Variants in KCTD16 observed in about 807,000 individuals in gnomAD.
KCTD16 encodes the protein potassium channel tetramerization domain containing 16, also known as BTB/POZ domain-containing protein KCTD16.
Under a neutral mutation model 33.2 loss-of-function variants are expected in KCTD16, and 13 were observed. The observed-to-expected ratio is 0.39, with a 90% CI of 0.25 to 0.62. The LOEUF (loss-of-function observed/expected upper bound fraction) is 0.62, where lower values mean the gene tolerates loss of function less well. Among genes scored for constraint, KCTD16 ranks in the 20% least tolerant of loss-of-function variants. The probability of loss-of-function intolerance (pLI) is 0.50; values close to 1 mark genes in which losing one functional copy is unlikely to be tolerated. For missense variants in KCTD16, 441 were observed against 525.1 expected, an observed-to-expected ratio of 0.84 and a Z score of 1.57; for synonymous variants, 197 against 195.3, an observed-to-expected ratio of 1.01 and a Z score of -0.07.
intron 3 of KCTD16, among the ~76,000 whole-genome samples, chr5:144,403,663 A>G (rs189169696): frequency 1.3e-5 from 2 of 152,348 alleles, no homozygotes; most frequent in Admixed American, 1.3e-4. Flanking sequence ...AAATGATTAT[A>G]GTAGCCCTTG....
intron 3 of KCTD16, among the ~76,000 whole-genome samples, chr5:144,339,592 A>C (rs1402739424): frequency 3.9e-5 from 6 of 152,164 alleles, no homozygotes; most frequent in African/African-American, 1.4e-4. Context: ...TGTTACTAGA[A>C]ATGTACTCAA....
chr5:144,400,806 G>A (rs1752685880), intron 3 of KCTD16, among the ~76,000 whole-genome samples: 1 of 152,164 alleles, frequency 6.6e-6, no homozygotes, highest in African/African-American at 2.4e-5. Flanking sequence ...TTCAGATTGG[G>A]CAATCAGAAA....
At chr5:144,447,495 A>ATG (rs1753846598) in intron 3 of KCTD16, among the ~76,000 whole-genome samples, 3 of 152,226 alleles carry the variant, frequency 2.0e-5, no homozygotes, top group Admixed American at 6.5e-5. Context: ...ACCATCGCAC[A>ATG]TGTATACCTA....
chr5:144,418,209 G>C (rs546541756), intron 3 of KCTD16, among the ~76,000 whole-genome samples: 1 of 152,142 alleles, frequency 6.6e-6, no homozygotes, highest in East Asian at 1.9e-4. Flanking sequence ...CCCAAAGCAT[G>C]AGCAGCAGCA....
chr5:144,228,027 A>T (rs890515329), intron 3 of KCTD16, among the ~76,000 whole-genome samples: 2 of 152,200 alleles, frequency 1.3e-5, no homozygotes, highest in African/African-American at 4.8e-5. Flanking sequence ...TGTGAATAAT[A>T]GGAGTTAGAC....
At chr5:144,413,816 T>C (rs1752985911) in intron 3 of KCTD16, among the ~76,000 whole-genome samples, 1 of 152,198 alleles carries the variant, frequency 6.6e-6, no homozygotes, top group African/African-American at 2.4e-5. Flanking sequence ...TTCTTTTGAA[T>C]AGTGGTCTTC....
chr5:144,221,096 A>T (rs1470964806), intron 3 of KCTD16, among the ~76,000 whole-genome samples: 1 of 152,240 alleles, frequency 6.6e-6, no homozygotes, highest in Non-Finnish European at 1.5e-5. Context: ...GGAATGGTAG[A>T]TCTATGTAAC....
Position 144,474,457 on chromosome 5 carries a change from C to A in KCTD16, c.*343C>A. 1 of 198,476 alleles carries A rather than the reference C, an allele frequency of 5.0e-6. No homozygotes were observed. Among genetic ancestry groups the A allele is most frequent in the Non-Finnish European group, 1.0e-5 (1 of 97,252 alleles). The allele number at this position is 198,476 out of a possible 1,614,324, so 12.3% of individuals were successfully genotyped here. On this transcript the variant is annotated 3_prime_UTR_variant, in exon 4 of 4. Transcript: ENST00000512467. ...TTATCCCAAACTGGGTTTTTTCTCT[C>A]ATCCTTCTACCTCCCTCCTTTGAAT...
intron 3 of KCTD16, among the ~76,000 whole-genome samples, chr5:144,321,856 A>C (rs1752081478): frequency 6.6e-6 from 1 of 152,114 alleles, no homozygotes; most frequent in South Asian, 2.1e-4. Context: ...GTATTGAAAA[A>C]CCTGTCCTTT....
At chr5:144,251,090 T>C (rs1327730483) in intron 3 of KCTD16, among the ~76,000 whole-genome samples, 2 of 152,174 alleles carry the variant, frequency 1.3e-5, no homozygotes, top group Non-Finnish European at 2.9e-5. Flanking sequence ...CAGTCTCAGT[T>C]TGGCCAGAGT....
chr5:144,439,987 A>G (rs778414653), intron 3 of KCTD16, among the ~76,000 whole-genome samples: 1 of 152,058 alleles, frequency 6.6e-6, no homozygotes, highest in Non-Finnish European at 1.5e-5. Context: ...CCCACTAACA[A>G]CAGACACAGA....
At chr5:144,249,987 C>CT (rs991225700) in intron 3 of KCTD16, among the ~76,000 whole-genome samples, 24 of 152,312 alleles carry the variant, frequency 1.6e-4, no homozygotes, top group Non-Finnish European at 2.6e-4. Context: ...TCTTTGCCCA[C>CT]TTTTAGAGCC....
chr5:144,465,521 T>C (rs1754309923), intron 3 of KCTD16, among the ~76,000 whole-genome samples: 1 of 152,074 alleles, frequency 6.6e-6, no homozygotes, highest in Non-Finnish European at 1.5e-5. Flanking sequence ...CTCTCAGGTC[T>C]CTTCTGGGTC....
At chr5:144,259,083 C>T (rs772456988) in intron 3 of KCTD16, among the ~76,000 whole-genome samples, 1 of 151,712 alleles carries the variant, frequency 6.6e-6, no homozygotes, top group Non-Finnish European at 1.5e-5. Flanking sequence ...ACGGTGAAAC[C>T]CCGTCTCTAC....
intron 3 of KCTD16, among the ~76,000 whole-genome samples, chr5:144,297,511 A>G (rs1275248270): frequency 6.6e-6 from 1 of 152,232 alleles, no homozygotes; most frequent in Non-Finnish European, 1.5e-5. Context: ...ATGTTGCAGA[A>G]GAATTGTACT....
chr5:144,347,034 A>G (rs1423217416), intron 3 of KCTD16, among the ~76,000 whole-genome samples: 6 of 151,996 alleles, frequency 3.9e-5, no homozygotes, highest in Non-Finnish European at 7.4e-5. Context: ...ATTTTTGTAT[A>G]TGGTGATACA....
intron 3 of KCTD16, among the ~76,000 whole-genome samples, chr5:144,468,649 A>G (rs976875681): frequency 1.3e-5 from 2 of 152,188 alleles, no homozygotes; most frequent in East Asian, 1.9e-4. Context: ...TGACTTTTCA[A>G]CTGGGATACC....
intron 3 of KCTD16, among the ~76,000 whole-genome samples, chr5:144,332,072 T>C (rs1344892094): frequency 6.6e-6 from 1 of 152,070 alleles, no homozygotes; most frequent in East Asian, 1.9e-4. Flanking sequence ...AAGCAACAGG[T>C]TTTATTTTCT....
chr5:144,405,940 C>T (rs903275201), intron 3 of KCTD16, among the ~76,000 whole-genome samples: 2 of 152,020 alleles, frequency 1.3e-5, no homozygotes, highest in South Asian at 2.1e-4. Context: ...TTTGAGTTTC[C>T]AATGGAGTGG....
Sources: allele counts gnomAD v4.1 joint callset (sites outside exome capture counted in the v4.1 genomes callset), GRCh38; gene constraint gnomAD v4.1.1; transcripts MANE v1.5; gene names NCBI Gene and HGNC (gene_info 2026-07-23, HGNC 2026-07-21).